Variants in NALF1 observed in about 807,000 individuals in gnomAD.
NALF1 encodes the protein NALCN channel auxiliary factor 1, also known as family with sequence similarity 155 member A.
In NALF1, 3 loss-of-function variants were observed where a neutral mutation model predicts 48.4. The observed-to-expected ratio is 0.06, with a 90% CI of 0.03 to 0.16. NALF1 has a LOEUF of 0.16. Among genes scored for constraint, NALF1 ranks in the 10% least tolerant of loss-of-function variants. The pLI is 1.00. For missense variants in NALF1, 526 were observed against 571.5 expected, an observed-to-expected ratio of 0.92 and a Z score of 0.81; for synonymous variants, 262 against 245.7, an observed-to-expected ratio of 1.07 and a Z score of -0.62.
intron 1 of NALF1, among the ~76,000 whole-genome samples, chr13:107,805,637 A>T (rs1355330890): frequency 6.6e-6 from 1 of 152,204 alleles, no homozygotes; most frequent in African/African-American, 2.4e-5. Flanking sequence ...TCTAACTTAC[A>T]TGAGTAAATA....
intron 1 of NALF1, among the ~76,000 whole-genome samples, chr13:107,856,584 T>C (rs1594316994): frequency 6.6e-6 from 1 of 152,302 alleles, no homozygotes; most frequent in East Asian, 1.9e-4. Context: ...AGAGAAATAA[T>C]TTAAAGTTGA....
chr13:107,775,557 T>G lies in NALF1; in HGVS notation c.915+90125A>C, dbSNP rs573104335. ...TTATAGCAGCATGATTTATAGTCCT[T>G]TGGGTATATACCCAGTAATGGGATG... is the stretch of plus-strand genomic sequence containing the variant. On this transcript the variant is annotated intron_variant, in intron 1 of 2. Coordinates refer to ENST00000375915, the MANE Select transcript of NALF1 (RefSeq NM_001080396.3). 4.3e-4 allele frequency among the ~76,000 whole-genome samples: 66 copies of G among 151,898 alleles called. 1 individual carries two copies. The highest frequency in any genetic ancestry group is 7.4e-5 in the Non-Finnish European group (5 of 67,958).
chr13:107,693,651 A>G (rs1881627368), intron 1 of NALF1, among the ~76,000 whole-genome samples: 1 of 150,390 alleles, frequency 6.6e-6, no homozygotes, highest in South Asian at 2.1e-4. Context: ...TATTCATTGC[A>G]CCTAGTTCAT....
chr13:107,623,631 A>G (rs1210390266), intron 1 of NALF1, among the ~76,000 whole-genome samples: 1 of 152,178 alleles, frequency 6.6e-6, no homozygotes, highest in African/African-American at 2.4e-5. Flanking sequence ...CCCAAATCAT[A>G]TGTAGAAACG....
At chr13:107,328,317 T>TACACAC in intron 1 of NALF1, among the ~76,000 whole-genome samples, 1 of 146,482 alleles carries the variant, frequency 6.8e-6, no homozygotes, top group African/African-American at 2.5e-5. Flanking sequence ...CACACACACT[T>TACACAC]TTGTTTGGCT....
chr13:107,675,270 C>T (rs1394499264), intron 1 of NALF1, among the ~76,000 whole-genome samples: 1 of 152,136 alleles, frequency 6.6e-6, no homozygotes, highest in East Asian at 1.9e-4. Flanking sequence ...TTTGAGCTTG[C>T]CCCCCACTGG....
intron 1 of NALF1, among the ~76,000 whole-genome samples, chr13:107,352,508 C>T (rs1266225399): frequency 1.3e-5 from 2 of 152,134 alleles, no homozygotes; most frequent in Non-Finnish European, 2.9e-5. Context: ...GCCAATGTGG[C>T]TGAGGGCTGG....
intron 1 of NALF1, among the ~76,000 whole-genome samples, chr13:107,486,258 T>C (rs930710798): frequency 1.3e-5 from 2 of 152,176 alleles, no homozygotes; most frequent in Non-Finnish European, 2.9e-5. Flanking sequence ...GCTAAGCTGA[T>C]TGGACACTAT....
At chr13:107,287,063 G>T (rs9520363) in intron 1 of NALF1, among the ~76,000 whole-genome samples, 136,326 of 152,242 alleles carry the variant, frequency 0.9, 61,472 homozygotes, top group East Asian at 0.96. Context: ...GAGTTTCACC[G>T]AAATAAATTA....
At chr13:107,209,527 C>T (rs1215912170) in intron 2 of NALF1, among the ~76,000 whole-genome samples, 2 of 151,978 alleles carry the variant, frequency 1.3e-5, no homozygotes, top group East Asian at 3.9e-4. Flanking sequence ...AAATACTCAT[C>T]CAGTTCTTAG....
intron 1 of NALF1, among the ~76,000 whole-genome samples, chr13:107,712,570 GGGTCACGCA>G (rs1251316829): frequency 2.0e-5 from 3 of 152,160 alleles, no homozygotes; most frequent in African/African-American, 7.2e-5. Flanking sequence ...AGACAGCATG[GGGTCACGCA>G]GATGCAGAAA....
intron 1 of NALF1, among the ~76,000 whole-genome samples, chr13:107,376,438 C>G (rs1427204426): frequency 6.6e-6 from 1 of 152,162 alleles, no homozygotes; most frequent in African/African-American, 2.4e-5. Flanking sequence ...GTTGCTTCCC[C>G]CTGGACTCCC....
intron 1 of NALF1, among the ~76,000 whole-genome samples, chr13:107,677,484 T>C (rs1881161686): frequency 6.6e-6 from 1 of 152,226 alleles, no homozygotes; most frequent in African/African-American, 2.4e-5. Flanking sequence ...GAATTGGGCA[T>C]AGAATGTATA....
At chr13:107,578,620 T>C (rs1878217668) in intron 1 of NALF1, among the ~76,000 whole-genome samples, 2 of 152,224 alleles carry the variant, frequency 1.3e-5, no homozygotes, top group Non-Finnish European at 2.9e-5. Context: ...GAAAATCTTA[T>C]ATATTACCTA....
intron 2 of NALF1, among the ~76,000 whole-genome samples, chr13:107,205,964 G>A (rs1192503534): frequency 6.6e-6 from 1 of 151,950 alleles, no homozygotes. Context: ...ACGATGACGG[G>A]TTGACATCGT....
chr13:107,276,707 G>A (rs1004986120), intron 1 of NALF1, among the ~76,000 whole-genome samples: 2 of 152,122 alleles, frequency 1.3e-5, no homozygotes, highest in African/African-American at 4.8e-5. Context: ...AGAGGAAATA[G>A]TTGCAGACTT....
intron 1 of NALF1, among the ~76,000 whole-genome samples, chr13:107,244,944 A>T (rs1222555402): frequency 6.6e-6 from 1 of 152,200 alleles, no homozygotes; most frequent in African/African-American, 2.4e-5. Context: ...TTAAGACCCA[A>T]TGAACTCACT....
chr13:107,480,906 A>G (rs569822043), intron 1 of NALF1, among the ~76,000 whole-genome samples: 2 of 152,166 alleles, frequency 1.3e-5, no homozygotes, highest in Non-Finnish European at 1.5e-5. Context: ...AGGCTTTCTC[A>G]TATCATTTGG....
chr13:107,615,353 C>T (rs1377824984), intron 1 of NALF1, among the ~76,000 whole-genome samples: 1 of 152,128 alleles, frequency 6.6e-6, no homozygotes, highest in African/African-American at 2.4e-5. Context: ...GGCGGGTCTG[C>T]TCCCTTATGG....
Sources: gnomAD v4.1 joint callset for allele counts (sites outside exome capture counted in the v4.1 genomes callset) on GRCh38, gnomAD v4.1.1 for gene constraint, MANE v1.5 for transcripts, NCBI Gene and HGNC (gene_info 2026-07-23, HGNC 2026-07-21) for gene names.